FERRY3: variants seen among roughly 807,000 people sequenced by gnomAD.
The protein encoded by FERRY3 is FERRY endosomal RAB5 effector complex subunit 3.
At chr12:4,530,087 C>G in the FERRY3 span, 3 of 1,563,172 alleles carry the variant, frequency 1.9e-6, no homozygotes, top group East Asian at 2.3e-5. Context: ...AAATCATGAT[C>G]TAGTATTTTT....
chr12:4,529,829 C>A, the FERRY3 span: 1 of 1,480,034 alleles, frequency 6.8e-7, no homozygotes, highest in Non-Finnish European at 9.1e-7. Flanking sequence ...TATTTGACAA[C>A]GTAACATTTA....
the FERRY3 span, among the ~76,000 whole-genome samples, chr12:4,528,818 C>G: frequency 1.1e-3 from 164 of 151,020 alleles, 3 homozygotes; most frequent in East Asian, 0.03. Context: ...TTACTGTATT[C>G]TAATGGGAAG....
At chr12:4,502,594 T>TA in the FERRY3 span, 3 of 343,174 alleles carry the variant, frequency 8.7e-6, no homozygotes, top group Non-Finnish European at 1.7e-5. The surrounding 1 kb of genome is among the most constrained non-coding windows in gnomAD (Gnocchi z 4.2). Context: ...TGCGTATCTC[T>TA]ACTCTTCCAC....
the FERRY3 span, chr12:4,536,095 ATT>A: frequency 6.2e-7 from 1 of 1,610,794 alleles, no homozygotes; most frequent in Non-Finnish European, 8.5e-7. Flanking sequence ...TGAACAGGAA[ATT>A]TGAGTGGCAC....
At chr12:4,533,951 T>G in the FERRY3 span, 1 of 421,216 alleles carries the variant, frequency 2.4e-6, no homozygotes, top group South Asian at 8.1e-5. Flanking sequence ...TAGCCTCTTG[T>G]TTTACAAAGG....
chr12:4,532,515 T>C, the FERRY3 span, among the ~76,000 whole-genome samples: 1 of 152,154 alleles, frequency 6.6e-6, no homozygotes, highest in Non-Finnish European at 1.5e-5. Context: ...CAGATAGTCA[T>C]CGTTTACCTG....
chr12:4,500,732 A>G, the FERRY3 span, among the ~76,000 whole-genome samples: 6 of 152,178 alleles, frequency 3.9e-5, no homozygotes, highest in Non-Finnish European at 8.8e-5. Flanking sequence ...GGCTCACTGC[A>G]ACCTCCGACT....
At chr12:4,495,129 T>C in the FERRY3 span, among the ~76,000 whole-genome samples, 1 of 152,198 alleles carries the variant, frequency 6.6e-6, no homozygotes, top group Non-Finnish European at 1.5e-5. Flanking sequence ...GCTTCAAGTC[T>C]TTGTGCATCT....
At chr12:4,531,519 T>C in the FERRY3 span, among the ~76,000 whole-genome samples, 27 of 151,952 alleles carry the variant, frequency 1.8e-4, no homozygotes, top group African/African-American at 6.3e-4. Flanking sequence ...GAACTAAGCA[T>C]AGGTTTTTCC....
the FERRY3 span, among the ~76,000 whole-genome samples, chr12:4,533,141 A>C: frequency 6.6e-6 from 1 of 152,220 alleles, no homozygotes; most frequent in East Asian, 1.9e-4. Flanking sequence ...CTACCAAATT[A>C]ATAAAATTAT....
chr12:4,530,139 G>A, the FERRY3 span: 9 of 1,193,964 alleles, frequency 7.5e-6, no homozygotes, highest in Admixed American at 1.8e-4. Flanking sequence ...TTCCATTTTT[G>A]CACTTCAATG....
chr12:4,518,531 CAT>C, the FERRY3 span, among the ~76,000 whole-genome samples: 4 of 152,018 alleles, frequency 2.6e-5, no homozygotes, highest in East Asian at 1.9e-4. Context: ...ACTCTACTCA[CAT>C]GTTAGGAATT....
the FERRY3 span, among the ~76,000 whole-genome samples, chr12:4,520,172 T>C: frequency 2.0e-5 from 3 of 152,192 alleles, no homozygotes; most frequent in Admixed American, 2.0e-4. Context: ...CAAGTTAGAA[T>C]AGGTCGGAGC....
At chr12:4,504,098 G>A in the FERRY3 span, among the ~76,000 whole-genome samples, 6 of 152,192 alleles carry the variant, frequency 3.9e-5, no homozygotes, top group Non-Finnish European at 8.8e-5. Context: ...CTGAAGGTGG[G>A]AGGAAATTTC....
At chr12:4,537,586 C>G in the FERRY3 span, among the ~76,000 whole-genome samples, 1 of 151,966 alleles carries the variant, frequency 6.6e-6, no homozygotes. Flanking sequence ...ATAAAAAAAA[C>G]TCAAAGGACT....
At chr12:4,512,173 T>TC in the FERRY3 span, among the ~76,000 whole-genome samples, 1 of 136,784 alleles carries the variant, frequency 7.3e-6, no homozygotes, top group African/African-American at 2.9e-5. Flanking sequence ...ACATACACTC[T>TC]CCCAAGACTA....
the FERRY3 span, chr12:4,509,039 T>C: frequency 4.0e-5 from 6 of 151,008 alleles, no homozygotes; most frequent in Non-Finnish European, 2.9e-5. Flanking sequence ...TGGGCGCAGG[T>C]CAGTGGGTGC....
the FERRY3 span, chr12:4,530,105 A>G: frequency 6.7e-7 from 1 of 1,502,386 alleles, no homozygotes; most frequent in South Asian, 1.2e-5. Context: ...TTTATTTAAC[A>G]CACTACTAGA....
At chr12:4,520,670 G>A in the FERRY3 span, among the ~76,000 whole-genome samples, 1 of 152,162 alleles carries the variant, frequency 6.6e-6, no homozygotes, top group Non-Finnish European at 1.5e-5. Flanking sequence ...TGGGTACAGT[G>A]TACATTGCTC....
Sources: gnomAD v4.1 joint callset for allele counts (sites outside exome capture counted in the v4.1 genomes callset) on GRCh38, gnomAD v4.1.1 for gene constraint, Gnocchi (gnomAD v3.1) non-coding constraint, MANE v1.5 for transcripts, NCBI Gene and HGNC (gene_info 2026-07-23, HGNC 2026-07-21) for gene names.